MYT1L: variants seen among roughly 807,000 people sequenced by gnomAD.
MYT1L encodes the protein myelin transcription factor 1 like, also known as myelin transcription factor 1-like protein.
A neutral mutation model predicts 126.7 loss-of-function variants in MYT1L; 12 were observed. The observed-to-expected ratio is 0.09, with a 90% CI of 0.06 to 0.15. MYT1L has a LOEUF of 0.15. Among genes scored for constraint, MYT1L ranks in the 10% least tolerant of loss-of-function variants. The pLI is 1.00. For missense variants in MYT1L, 979 were observed against 1,585.2 expected, an observed-to-expected ratio of 0.62 and a Z score of 6.49; for synonymous variants, 541 against 604.2, an observed-to-expected ratio of 0.90 and a Z score of 1.53.
chr2:1,912,858 A>C lies in MYT1L; in HGVS notation c.1619-748T>G, dbSNP rs13031530. ...TTCCCAGCAGTGGTGTTGGACCTGA[A>C]TTATTTGTGTCTTCCTTCTTTTCTG... On this transcript the variant is annotated intron_variant, in intron 11 of 24. Transcript: ENST00000647738. The surrounding 1 kb of genome is among the most constrained non-coding windows in gnomAD (Gnocchi z 4.3). Among the ~76,000 whole-genome samples the C allele has an allele frequency of 0.057, 8,713 of 152,078 alleles. 276 individuals are homozygous for C. The highest frequency in any genetic ancestry group is 0.069 in the Non-Finnish European group (4,708 of 67,992).
intron 3 of MYT1L, among the ~76,000 whole-genome samples, chr2:2,124,065 G>T (rs1329090231): frequency 1.3e-5 from 2 of 152,142 alleles, no homozygotes; most frequent in African/African-American, 4.8e-5. Flanking sequence ...CAATGTTACC[G>T]CAGATGTAGG....
intron 3 of MYT1L, among the ~76,000 whole-genome samples, chr2:2,127,993 T>C (rs1240346055): frequency 6.6e-6 from 1 of 152,196 alleles, no homozygotes; most frequent in African/African-American, 2.4e-5. Context: ...GCTGTGATCA[T>C]TGAATGAAAT....
At chr2:2,173,269 T>C (rs753090518) in intron 2 of MYT1L, among the ~76,000 whole-genome samples, 8 of 152,376 alleles carry the variant, frequency 5.3e-5, no homozygotes, top group East Asian at 3.9e-4. Context: ...GGTAAAACCA[T>C]ATGCACTTAA....
intron 3 of MYT1L, among the ~76,000 whole-genome samples, chr2:2,104,968 T>C (rs907796669): frequency 6.6e-6 from 1 of 152,172 alleles, no homozygotes; most frequent in African/African-American, 2.4e-5. Context: ...AATACTCCAG[T>C]TGGACACATT....
At chr2:2,058,059 A>G (rs1276584019) in intron 3 of MYT1L, among the ~76,000 whole-genome samples, 1 of 152,214 alleles carries the variant, frequency 6.6e-6, no homozygotes, top group Non-Finnish European at 1.5e-5. Context: ...GCCTCGATCA[A>G]TGTACCAGTG....
intron 14 of MYT1L, among the ~76,000 whole-genome samples, chr2:1,899,433 G>T (rs1211069387): frequency 1.3e-5 from 2 of 152,226 alleles, no homozygotes; most frequent in Non-Finnish European, 2.9e-5. Context: ...GCAAAACAGG[G>T]TGGGTGGGCT....
chr2:1,933,999 G>A (rs1324273803), intron 9 of MYT1L, among the ~76,000 whole-genome samples: 1 of 141,856 alleles, frequency 7.0e-6, no homozygotes, highest in Non-Finnish European at 1.5e-5. Context: ...TTTTGAGATG[G>A]AGTCTTGCTC....
At chr2:2,253,215 C>A (rs2094703525) in intron 2 of MYT1L, among the ~76,000 whole-genome samples, 2 of 152,234 alleles carry the variant, frequency 1.3e-5, no homozygotes, top group African/African-American at 4.8e-5. Flanking sequence ...GCTCCACTGT[C>A]CAGCCTGGTC....
intron 3 of MYT1L, among the ~76,000 whole-genome samples, chr2:2,110,823 C>T (rs555111891): frequency 1.1e-4 from 17 of 151,982 alleles, no homozygotes; most frequent in African/African-American, 3.6e-4. Flanking sequence ...GCTGTGTAGA[C>T]GCTTATGGGG....
At chr2:2,093,277 G>C (rs1360912559) in intron 3 of MYT1L, among the ~76,000 whole-genome samples, 1 of 125,144 alleles carries the variant, frequency 8.0e-6, no homozygotes, top group East Asian at 2.8e-4. Context: ...CAGTATGCAA[G>C]ACACAGAAGG....
chr2:2,260,871 C>T (rs1333117662), intron 2 of MYT1L, among the ~76,000 whole-genome samples: 1 of 152,156 alleles, frequency 6.6e-6, no homozygotes, highest in Non-Finnish European at 1.5e-5. Flanking sequence ...GTGATGATTT[C>T]TCTGTTTTGT....
intron 4 of MYT1L, among the ~76,000 whole-genome samples, chr2:2,016,674 A>T (rs929511263): frequency 3.9e-5 from 6 of 152,254 alleles, no homozygotes; most frequent in Non-Finnish European, 7.3e-5. Context: ...CAAAAATAAT[A>T]TTTAGAATCA....
intron 1 of MYT1L, among the ~76,000 whole-genome samples, chr2:2,327,810 C>T (rs2096260292): frequency 6.6e-6 from 1 of 152,090 alleles, no homozygotes; most frequent in African/African-American, 2.4e-5. Flanking sequence ...CCCTCTAATT[C>T]CACAGAGGAG....
In MYT1L at chr2:1,799,207, A is replaced by G. The variant is rs75351566; in HGVS notation, c.3276+2489T>C. Reference sequence around the variant, plus strand: ...TTCATTTTTGACATCAGGTCCAAATAGATGCTGTTAGGAGCAACTACTCAT... The same window carrying G: ...TTCATTTTTGACATCAGGTCCAAATGGATGCTGTTAGGAGCAACTACTCAT... On this transcript the variant is annotated intron_variant, in intron 23 of 24. Coordinates refer to ENST00000647738, the MANE Select transcript of MYT1L (RefSeq NM_001303052.2). Among the ~76,000 whole-genome samples, 532 of 152,352 alleles carry G rather than the reference A, an allele frequency of 3.5e-3. 3 individuals carry two copies. The highest frequency in any genetic ancestry group is 0.012 in the African/African-American group (516 of 41,580).
At chr2:2,159,712 T>C (rs1438075252) in intron 3 of MYT1L, among the ~76,000 whole-genome samples, 1 of 152,058 alleles carries the variant, frequency 6.6e-6, no homozygotes, top group Non-Finnish European at 1.5e-5. Context: ...TAGCAACTTC[T>C]GGCCATTAAA....
intron 1 of MYT1L, among the ~76,000 whole-genome samples, chr2:2,311,737 G>C (rs1487965007): frequency 6.6e-6 from 1 of 152,130 alleles, no homozygotes; most frequent in Non-Finnish European, 1.5e-5. Context: ...AGCATGCAAG[G>C]CCTCTGTTCC....
chr2:1,987,239 G>A (rs984179227), intron 5 of MYT1L, among the ~76,000 whole-genome samples: 31 of 152,006 alleles, frequency 2.0e-4, no homozygotes, highest in African/African-American at 7.3e-4. Context: ...TGTTCCATCG[G>A]GTTCTTGGTG....
rs1267151992 is a variant in MYT1L at position 1,857,166 on chromosome 2, T to C, written c.2712-5463A>G. Among the ~76,000 whole-genome samples the C allele has an allele frequency of 2.0e-5, 3 of 152,142 alleles. No homozygotes were observed. The East Asian group carries it at 5.8e-4, about 29-fold the overall frequency. On this transcript the variant is annotated intron_variant, in intron 18 of 24. Transcript: ENST00000647738. ...AGTCCTCCCAGCGTGACTCAGCATC[T>C]TACAGGAGCATGACTGCGGGCCAAG...
At chr2:2,012,276 A>G (rs1024565526) in intron 4 of MYT1L, among the ~76,000 whole-genome samples, 11 of 152,274 alleles carry the variant, frequency 7.2e-5, no homozygotes, top group Non-Finnish European at 1.6e-4. Context: ...TGAAATATAT[A>G]TCTGCCATAA....
Sources: allele counts gnomAD v4.1 joint callset (sites outside exome capture counted in the v4.1 genomes callset), GRCh38; gene constraint gnomAD v4.1.1; non-coding constraint Gnocchi (gnomAD v3.1); transcripts MANE v1.5; gene names NCBI Gene and HGNC (gene_info 2026-07-23, HGNC 2026-07-21).